PRKN: variants seen among roughly 807,000 people sequenced by gnomAD.
PRKN encodes parkin RBR E3 ubiquitin protein ligase.
PRKN carries 56 observed loss-of-function variants against 59.5 expected under a neutral mutation model. That is an observed-to-expected ratio of 0.94 (90% confidence interval 0.76 to 1.18). The LOEUF (loss-of-function observed/expected upper bound fraction) is 1.18. Ranked by LOEUF, PRKN falls within the 50% of genes most tolerant of loss-of-function variation. The probability of loss-of-function intolerance (pLI) is 0.00; values close to 1 mark genes in which losing one functional copy is unlikely to be tolerated. For synonymous variants in PRKN, 250 were observed against 222.1 expected, an observed-to-expected ratio of 1.13 and a Z score of -1.12; for missense variants, 657 against 596.4, an observed-to-expected ratio of 1.10 and a Z score of -1.06.
At position 161,444,906 on chromosome 6, in the gene PRKN, T is replaced by A. The variant is rs1460414748; in HGVS notation, c.1084-58029A>T. 1.3e-5 allele frequency among the ~76,000 whole-genome samples: 2 copies of A among 152,148 alleles called. No individual in the cohort carries two copies. The highest frequency in any genetic ancestry group is 3.9e-4 in the East Asian group (2 of 5,086). ...GCTAAGGTATGTAATAGTTATTTATTTTTAAAAAAAGCCAGTACCTCTCCA... is the reference window on the plus strand; with the variant it reads ...GCTAAGGTATGTAATAGTTATTTATATTTAAAAAAAGCCAGTACCTCTCCA... On this transcript the variant is annotated intron_variant, in intron 9 of 11. Coordinates refer to ENST00000366898, the MANE Select transcript of PRKN (RefSeq NM_004562.3). This position sits in a 1 kb window ranked among gnomAD's most constrained non-coding sequence, Gnocchi z 5.6.
intron 2 of PRKN, among the ~76,000 whole-genome samples, chr6:162,338,202 G>A (rs1352733932): frequency 6.6e-6 from 1 of 152,168 alleles, no homozygotes; most frequent in Non-Finnish European, 1.5e-5. Flanking sequence ...AGATGATAAG[G>A]CTAATAGGTA....
intron 7 of PRKN, among the ~76,000 whole-genome samples, chr6:161,778,107 A>G (rs760290375): frequency 6.6e-6 from 1 of 151,908 alleles, no homozygotes; most frequent in African/African-American, 2.4e-5. Context: ...AGCTGCATTT[A>G]TGGAAAAGCA....
intron 10 of PRKN, among the ~76,000 whole-genome samples, chr6:161,365,612 C>T (rs757371302): frequency 6.6e-6 from 1 of 152,102 alleles, no homozygotes; most frequent in Non-Finnish European, 1.5e-5. Context: ...AAAGTTACAG[C>T]AAAAGAAGAG....
chr6:162,350,447 C>T (rs1157223571), intron 2 of PRKN, among the ~76,000 whole-genome samples: 1 of 151,902 alleles, frequency 6.6e-6, no homozygotes, highest in Non-Finnish European at 1.5e-5. Context: ...ATCAAGCTAC[C>T]GTAAAAAAGA....
chr6:161,999,042 G>C (rs1039477836), intron 5 of PRKN, among the ~76,000 whole-genome samples: 1 of 152,052 alleles, frequency 6.6e-6, no homozygotes, highest in African/African-American at 2.4e-5. Context: ...AGAAAGATAA[G>C]TAGATTCTCA....
intron 1 of PRKN, among the ~76,000 whole-genome samples, chr6:162,570,049 C>G (rs1194530889): frequency 1.3e-5 from 2 of 152,172 alleles, no homozygotes; most frequent in African/African-American, 4.8e-5. Flanking sequence ...TATTTGCAAA[C>G]CCTGCCAGGG....
intron 1 of PRKN, among the ~76,000 whole-genome samples, chr6:162,592,469 G>C (rs1292808845): frequency 1.3e-5 from 2 of 152,138 alleles, no homozygotes; most frequent in East Asian, 3.8e-4. Context: ...GTCCCCATTT[G>C]GGTTCTGTGG....
intron 7 of PRKN, among the ~76,000 whole-genome samples, chr6:161,750,202 C>CT (rs1788629426): frequency 6.6e-6 from 1 of 151,708 alleles, no homozygotes; most frequent in South Asian, 2.1e-4. Flanking sequence ...TAAACCCATT[C>CT]TTTTTTCTTT....
Position 161,866,787 on chromosome 6 carries a change from A to G in PRKN, c.735-80879T>C, listed in dbSNP as rs1794128539. Reference sequence around the variant, plus strand: ...GACAATTTTTATAGTGATTGCTGTGAGTAGGTGTGGGAGGATGTGGGGTAA... The same window carrying G: ...GACAATTTTTATAGTGATTGCTGTGGGTAGGTGTGGGAGGATGTGGGGTAA... On this transcript the variant is annotated intron_variant, in intron 6 of 11. Transcript: ENST00000366898. Among the ~76,000 whole-genome samples, 3 of 152,126 alleles carry G rather than the reference A, an allele frequency of 2.0e-5. No homozygotes were observed. The South Asian group carries it at 6.2e-4, about 32-fold the overall frequency.
intron 1 of PRKN, among the ~76,000 whole-genome samples, chr6:162,702,117 G>C (rs915495260): frequency 6.6e-6 from 1 of 152,016 alleles, no homozygotes; most frequent in African/African-American, 2.4e-5. Context: ...TGTTCTACAA[G>C]ATTAAATTAG....
intron 1 of PRKN, among the ~76,000 whole-genome samples, chr6:162,539,950 T>A (rs905697840): frequency 6.6e-6 from 1 of 152,168 alleles, no homozygotes; most frequent in African/African-American, 2.4e-5. Flanking sequence ...TGAGATGGAG[T>A]CTCCCTCTGT....
At chr6:162,246,887 T>C (rs781049172) in intron 3 of PRKN, among the ~76,000 whole-genome samples, 1 of 152,194 alleles carries the variant, frequency 6.6e-6, no homozygotes, top group Non-Finnish European at 1.5e-5. Flanking sequence ...GGTTCTTATA[T>C]CTTTATATAT....
At chr6:162,510,296 T>G (rs1242466996) in intron 1 of PRKN, among the ~76,000 whole-genome samples, 1 of 152,242 alleles carries the variant, frequency 6.6e-6, no homozygotes, top group Non-Finnish European at 1.5e-5. Flanking sequence ...GAATAAAAAC[T>G]GGAACTTGCC....
Position 161,552,787 on chromosome 6 carries a change from G to GTTGTTTTTT in PRKN, c.934-3785_934-3784insAAAAAACAA, listed in dbSNP as rs1554275446. Among the ~76,000 whole-genome samples the GTTGTTTTTT allele has an allele frequency of 8.1e-5, 7 of 86,568 alleles. No individual in the cohort carries two copies. The highest frequency in any genetic ancestry group is 1.2e-4 in the African/African-American group (3 of 25,864). The allele number at this position is 86,568 out of a possible 152,430, so 56.8% of individuals were successfully genotyped here. A position where few individuals can be genotyped will look rare whatever the true frequency, so the allele number is the denominator to read the frequency against. On this transcript the variant is annotated intron_variant, in intron 8 of 11. Coordinates refer to ENST00000366898, the MANE Select transcript of PRKN (RefSeq NM_004562.3). The surrounding 1 kb of genome is among the most constrained non-coding windows in gnomAD (Gnocchi z 4.9). Reference sequence around the variant, plus strand: ...TAAAAGACACCATGGTTTTGTTGTTGTTTTTGTTTTTTGTTTTTTTTTTTT... The same window carrying GTTGTTTTTT: ...TAAAAGACACCATGGTTTTGTTGTTGTTGTTTTTTTTTTTGTTTTTTGTTTTTTTTTTTT...
chr6:161,858,878 T>TTTTTTTTTTTTTC (rs71004066), intron 6 of PRKN, among the ~76,000 whole-genome samples: 1 of 145,118 alleles, frequency 6.9e-6, no homozygotes, highest in Non-Finnish European at 1.5e-5. Context: ...TTTTTTTTTT[T>TTTTTTTTTTTTTC]GAGACAGAGG....
intron 6 of PRKN, among the ~76,000 whole-genome samples, chr6:161,892,425 T>G (rs1795379092): frequency 6.6e-6 from 1 of 151,434 alleles, no homozygotes. Context: ...TAAATAAGAT[T>G]AGTTGGGCAT....
At chr6:162,494,099 C>T (rs1432108903) in intron 1 of PRKN, among the ~76,000 whole-genome samples, 1 of 152,216 alleles carries the variant, frequency 6.6e-6, no homozygotes, top group Non-Finnish European at 1.5e-5. Context: ...GCTGTCTGGA[C>T]TACATTTCCC....
chr6:161,611,853 T>C (rs1782499060), intron 7 of PRKN, among the ~76,000 whole-genome samples: 7 of 152,246 alleles, frequency 4.6e-5, no homozygotes, highest in Admixed American at 2.6e-4. Context: ...CTAGCCAAGC[T>C]GTGAACTGGG....
chr6:161,637,069 A>G (rs1343845046), intron 7 of PRKN, among the ~76,000 whole-genome samples: 2 of 152,256 alleles, frequency 1.3e-5, no homozygotes, highest in Admixed American at 6.5e-5. Flanking sequence ...AAGGCTTGAA[A>G]TGAAGCTTAA....
Sources: allele counts gnomAD v4.1 joint callset (sites outside exome capture counted in the v4.1 genomes callset), GRCh38; gene constraint gnomAD v4.1.1; non-coding constraint Gnocchi (gnomAD v3.1); transcripts MANE v1.5; gene names NCBI Gene and HGNC (gene_info 2026-07-23, HGNC 2026-07-21).